ARMC10: variants seen among roughly 807,000 people sequenced by gnomAD.
ARMC10 encodes armadillo repeat containing 10.
Under a neutral mutation model 30.2 loss-of-function variants are expected in ARMC10, and 23 were observed. The observed-to-expected ratio is 0.76, with a 90% CI of 0.55 to 1.08. The LOEUF (loss-of-function observed/expected upper bound fraction) is 1.08. Ranked by LOEUF, ARMC10 falls within the 50% of genes least tolerant of loss-of-function variation. The pLI is 0.00. For missense variants in ARMC10, 303 were observed against 413.7 expected, an observed-to-expected ratio of 0.73 and a Z score of 2.32; for synonymous variants, 111 against 164.4, an observed-to-expected ratio of 0.68 and a Z score of 2.48.
intron 6 of ARMC10, among the ~76,000 whole-genome samples, 173 bp downstream of exon 6, chr7:103,097,521 A>G (rs908253821): frequency 9.2e-5 from 14 of 152,334 alleles, no homozygotes; most frequent in African/African-American, 3.4e-4. Flanking sequence ...ATTTTTTGCA[A>G]TGAGCCTCTT....
In ARMC10 at chr7:103,098,512, G is replaced by C. The variant is rs752251827; in HGVS notation, c.991G>C (p.Glu331Gln). The part of the protein sequence containing the change: ...IRALVDHHDA[E>Q]VKEKVVTIIP... ...AGCTTTAGTTGATCACCATGATGCA[G>C]AGGTGAAGGAAAAGGTTGTAACAAT... Residue 331 changes from glutamate (E) to glutamine (Q), a missense_variant, in exon 7 of 7, where the codon GAG becomes CAG. Physicochemically the swap from Glu to Gln is conservative, Grantham distance 29. This residue lies in a region of ARMC10 where 26 missense variants were observed against 94.7 expected (regional missense o/e 0.27). Coordinates refer to ENST00000323716, the MANE Select transcript of ARMC10 (RefSeq NM_031905.5). The C allele has an allele frequency of 6.3e-7, 1 of 1,594,000 alleles. No individual in the cohort carries two copies. The highest frequency in any genetic ancestry group is 8.5e-7 in the Non-Finnish European group (1 of 1,171,522).
chr7:103,095,215 C>T (rs1801662420), intron 5 of ARMC10, among the ~76,000 whole-genome samples: 1 of 152,184 alleles, frequency 6.6e-6, no homozygotes, highest in Non-Finnish European at 1.5e-5. Flanking sequence ...ATCCTCCTAC[C>T]TCAGCCTCCC....
chr7:103,075,944 C>T (rs1799746697), intron 2 of ARMC10, 63 bp downstream of exon 2: 3 of 1,261,802 alleles, frequency 2.4e-6, no homozygotes, highest in East Asian at 2.7e-5. Context: ...CGGACAAATG[C>T]ATGATTCGGT....
At position 103,098,715 on chromosome 7, in the gene ARMC10, A is replaced by G. The variant is rs1466467873; in HGVS notation, c.*162A>G. ...GTGGTTCTCAGATTTATTTTGGACT[A>G]TTTTGATGCCAAGTGAATATAAGAG... On this transcript the variant is annotated 3_prime_UTR_variant, in exon 7 of 7. Coordinates refer to ENST00000323716, the MANE Select transcript of ARMC10 (RefSeq NM_031905.5). 9 of 1,173,908 alleles carry G rather than the reference A, an allele frequency of 7.7e-6. No homozygotes were observed. The highest frequency in any genetic ancestry group is 5.5e-5 in the Admixed American group (2 of 36,390). The allele number at this position is 1,173,908 out of a possible 1,614,324, so 72.7% of individuals were successfully genotyped here.
At chr7:103,082,036 G>T in intron 2 of ARMC10, 2 of 376,610 alleles carry the variant, frequency 5.3e-6, no homozygotes, top group Non-Finnish European at 1.0e-5. Flanking sequence ...TAAGAGGTTT[G>T]GATGAACCCC....
chr7:103,082,339 G>GTC (rs1445541252), intron 2 of ARMC10, among the ~76,000 whole-genome samples: 1 of 150,862 alleles, frequency 6.6e-6, no homozygotes, highest in Non-Finnish European at 1.5e-5. Context: ...TTGTGTGTGT[G>GTC]TGTGTGATTC....
intron 4 of ARMC10, among the ~76,000 whole-genome samples, chr7:103,090,483 A>G (rs1035484684): frequency 1.4e-4 from 22 of 151,976 alleles, no homozygotes; most frequent in African/African-American, 5.1e-4. Flanking sequence ...ACATAGTGAG[A>G]CCCCATTTCT....
At chr7:103,095,234 T>C (rs4729875) in intron 5 of ARMC10, among the ~76,000 whole-genome samples, 136,642 of 152,236 alleles carry the variant, frequency 0.9, 63,153 homozygotes, top group East Asian at 1. Context: ...CCTGGGACTT[T>C]GGTCACATGC....
intron 5 of ARMC10, among the ~76,000 whole-genome samples, chr7:103,095,095 C>A (rs1342380705): frequency 6.6e-6 from 1 of 152,096 alleles, no homozygotes; most frequent in Non-Finnish European, 1.5e-5. Flanking sequence ...AAAGAAAATA[C>A]TAAAACTTTT....
At chr7:103,089,266 G>T in intron 4 of ARMC10, 1 of 232,376 alleles carries the variant, frequency 4.3e-6, no homozygotes, top group Non-Finnish European at 9.6e-6. Flanking sequence ...ACCAATGGCA[G>T]CATTTTGTTT....
In ARMC10 at chr7:103,075,878, C is replaced by A; in HGVS notation, c.241C>A (p.Pro81Thr). The change falls in exon 2 of 7, where the codon CCT becomes ACT. Residue 81 changes from proline to threonine, a missense_variant. This residue lies in a region of ARMC10 where 96 missense variants were observed against 84.2 expected (regional missense o/e 1.14). Coordinates refer to ENST00000323716, the MANE Select transcript of ARMC10 (RefSeq NM_031905.5). ...GTCACAGTGGTCCAAGACCTCGCAGCCTGGTGTGTGTTTTGGAAATGGGAA... is the reference window on the plus strand; with the variant it reads ...GTCACAGTGGTCCAAGACCTCGCAGACTGGTGTGTGTTTTGGAAATGGGAA... ...WESQWSKTSQ[P>T]EDLTDGSYDD... 6.3e-7 allele frequency: 1 copy of A among 1,595,006 alleles called. No homozygotes were observed. The highest frequency in any genetic ancestry group is 8.5e-7 in the Non-Finnish European group (1 of 1,169,860).
chr7:103,077,646 T>C lies in ARMC10; in HGVS notation c.244+1765T>C, dbSNP rs147690177. Among the ~76,000 whole-genome samples, 54 of 152,298 alleles carry C rather than the reference T, an allele frequency of 3.5e-4. No individual in the cohort carries two copies. The East Asian group carries it at 9.8e-3, about 28-fold the overall frequency. ...GGCCTTACCTCTCAATACTGCCACATTGGGAATTAAGTTTCGACATGAGTT... is the reference window on the plus strand; with the variant it reads ...GGCCTTACCTCTCAATACTGCCACACTGGGAATTAAGTTTCGACATGAGTT... On this transcript the variant is annotated intron_variant, in intron 2 of 6. Coordinates refer to ENST00000323716, the MANE Select transcript of ARMC10 (RefSeq NM_031905.5).
At chr7:103,075,902 AAC>A (rs1412351458) in intron 2 of ARMC10, 21 bp downstream of exon 2, 1 of 1,536,142 alleles carries the variant, frequency 6.5e-7, no homozygotes, top group East Asian at 2.4e-5. Flanking sequence ...TGGAAATGGG[AAC>A]AGTTGTCTGC....
chr7:103,092,660 A>G lies in ARMC10; in HGVS notation c.705+7A>G, dbSNP rs762255259. On this transcript the variant is annotated splice_region_variant and intron_variant, in intron 5 of 6. Transcript: ENST00000323716. ...TGGAAATGGAAACACGAAGGTATGA[A>G]GAGCTATTGTGTCAAGCTTATTAAC... 3.2e-6 allele frequency: 5 copies of G among 1,551,144 alleles called. No individual in the cohort carries two copies. The African/African-American group carries it at 4.1e-5, about 13-fold the overall frequency.
At chr7:103,075,690 C>G (rs779634553) in intron 1 of ARMC10, 87 bp from the exon 2 acceptor site, 2 of 1,034,128 alleles carry the variant, frequency 1.9e-6, no homozygotes, top group South Asian at 1.9e-5. Flanking sequence ...AAAGCTTGCT[C>G]CGGGCCTTTG....
Position 103,097,359 on chromosome 7 carries a change from T to G in ARMC10, c.777+11T>G, listed in dbSNP as rs892015407. 3 of 1,577,038 alleles carry G rather than the reference T, an allele frequency of 1.9e-6. No homozygotes were observed. The highest frequency in any genetic ancestry group is 2.6e-6 in the Non-Finnish European group (3 of 1,147,782). ...CTTCTCCGTGCCCAAGTAAATAGCT[T>G]ATATATTTATTTTGTAAATATACAC... On this transcript the variant is annotated intron_variant, in intron 6 of 6. Transcript: ENST00000323716.
At chr7:103,088,464 C>G (rs926345068) in intron 4 of ARMC10, among the ~76,000 whole-genome samples, 10 of 152,054 alleles carry the variant, frequency 6.6e-5, no homozygotes, top group African/African-American at 2.4e-4. Context: ...ATGAAGATTT[C>G]CTGATTTGAA....
At chr7:103,077,777 A>G (rs1331342733) in intron 2 of ARMC10, among the ~76,000 whole-genome samples, 4 of 151,640 alleles carry the variant, frequency 2.6e-5, no homozygotes, top group East Asian at 3.8e-4. Flanking sequence ...TCCTGGACTC[A>G]GATATCTTCT....
Position 103,092,517 on chromosome 7 carries a change from C to T in ARMC10, c.569C>T (p.Pro190Leu), listed in dbSNP as rs370325127. The T allele has an allele frequency of 8.7e-6, 14 of 1,603,842 alleles. No homozygotes were observed. The highest frequency in any genetic ancestry group is 1.2e-5 in the Non-Finnish European group (14 of 1,171,760). Residue 190 changes from proline to leucine, a missense_variant, in exon 5 of 7, where the codon CCT becomes CTT. Transcript: ENST00000323716. The part of the protein sequence containing the change: ...SQVCEDVFSG[P>L]LNSAVQLAGL... ...GTATGTGAGGATGTCTTCTCTGGTC[C>T]TCTGAACTCTGCTGTGCAGCTGGCT...
Sources: gnomAD v4.1 joint callset for allele counts (sites outside exome capture counted in the v4.1 genomes callset) on GRCh38, gnomAD v4.1.1 for gene constraint, gnomAD v4.1.1 regional missense constraint, MANE v1.5 for transcripts, NCBI Gene and HGNC (gene_info 2026-07-23, HGNC 2026-07-21) for gene names.